ZDHHC7: variants seen among roughly 807,000 people sequenced by gnomAD.
The protein encoded by ZDHHC7 is palmitoyltransferase ZDHHC7.
Under a neutral mutation model 34.1 loss-of-function variants are expected in ZDHHC7, and 12 were observed. That is an observed-to-expected ratio of 0.35 (90% CI 0.23 to 0.57). The LOEUF is 0.57. Among genes scored for constraint, ZDHHC7 ranks in the 20% least tolerant of loss-of-function variants. The pLI, the probability that ZDHHC7 is intolerant of heterozygous loss-of-function variation, is 0.84. For missense variants in ZDHHC7, 388 were observed against 402.7 expected (o/e 0.96, Z 0.31); for synonymous variants, 185 against 155.4 (o/e 1.19, Z -1.42).
intron 1 of ZDHHC7, among the ~76,000 whole-genome samples, chr16:85,006,843 A>G (rs559084954): frequency 6.6e-6 from 1 of 150,970 alleles, no homozygotes; most frequent in South Asian, 2.1e-4. Flanking sequence ...CAGGCTCAAC[A>G]TTCCCCACTC....
intron 2 of ZDHHC7, among the ~76,000 whole-genome samples, chr16:84,995,617 C>T (rs2072566655): frequency 6.6e-6 from 1 of 151,704 alleles, no homozygotes; most frequent in African/African-American, 2.4e-5. Context: ...CAGACTGAGA[C>T]TCCATCTCAA....
At chr16:84,989,094 C>T (rs1481187561) in intron 3 of ZDHHC7, among the ~76,000 whole-genome samples, 1 of 152,214 alleles carries the variant, frequency 6.6e-6, no homozygotes, top group Non-Finnish European at 1.5e-5. Flanking sequence ...CTTTAATTCT[C>T]TGAAGGCACA....
upstream of ZDHHC7, among the ~76,000 whole-genome samples, chr16:85,012,266 C>G (rs1215790910): frequency 2.0e-5 from 3 of 151,478 alleles, no homozygotes; most frequent in Admixed American, 6.6e-5. Context: ...GCCTGTAATC[C>G]CAGCAGCTAC....
chr16:84,981,346 A>C (rs894826331), intron 4 of ZDHHC7, among the ~76,000 whole-genome samples: 1 of 152,234 alleles, frequency 6.6e-6, no homozygotes, highest in African/African-American at 2.4e-5. Context: ...ATACAAAAAA[A>C]CAAAACAACA....
At chr16:85,015,537 C>T (rs934062983), upstream of ZDHHC7, among the ~76,000 whole-genome samples, 2 of 152,168 alleles carry the variant, frequency 1.3e-5, no homozygotes, top group African/African-American at 4.8e-5. Context: ...TTTGCAGGGC[C>T]ATTTCCAAAT....
chr16:85,025,154 T>C, the ZDHHC7 span, among the ~76,000 whole-genome samples: 2 of 152,028 alleles, frequency 1.3e-5, no homozygotes, highest in Non-Finnish European at 2.9e-5. Context: ...GGTGCGCACC[T>C]GCATTCCCAG....
intron 1 of ZDHHC7, among the ~76,000 whole-genome samples, chr16:85,005,470 G>C (rs563030180): frequency 5.9e-5 from 9 of 152,156 alleles, no homozygotes; most frequent in Non-Finnish European, 1.2e-4. Flanking sequence ...GGCGTATCAC[G>C]AGCTCATTTT....
At chr16:84,998,344 G>A (rs1056993969) in intron 1 of ZDHHC7, among the ~76,000 whole-genome samples, 23 of 152,032 alleles carry the variant, frequency 1.5e-4, no homozygotes, top group Non-Finnish European at 3.1e-4. Flanking sequence ...GTCCCTGGGA[G>A]AAAAGGGCGC....
At chr16:85,005,372 C>T (rs186358687) in intron 1 of ZDHHC7, among the ~76,000 whole-genome samples, 86 of 152,284 alleles carry the variant, frequency 5.6e-4, no homozygotes, top group African/African-American at 1.8e-3. Context: ...CAACATAAAA[C>T]ATTTGAAGGT....
At chr16:84,981,765 TC>T in intron 4 of ZDHHC7, 104 bp downstream of exon 4, 1 of 1,586,760 alleles carries the variant, frequency 6.3e-7, no homozygotes, top group Non-Finnish European at 8.6e-7. Flanking sequence ...GCCCAGATGC[TC>T]GGGGGCCATG....
rs936736309 is a variant in ZDHHC7, at chr16:84,992,140, C to G, written c.-17-1505G>C. Among the ~76,000 whole-genome samples the G allele has an allele frequency of 7.3e-4, 109 of 148,884 alleles. 1 individual carries two copies. Among genetic ancestry groups the G allele is most frequent in the Non-Finnish European group, 3.4e-4 (23 of 67,548 alleles). On this transcript the variant is annotated intron_variant, in intron 2 of 7. Transcript: ENST00000313732. ...GCAGTGAGCTGAGATCACGCCACTG[C>G]ACTGGACTCAGTCTCAAAAAAAAAA...
chr16:84,989,862 A>C (rs1473219987), intron 3 of ZDHHC7, among the ~76,000 whole-genome samples: 1 of 152,116 alleles, frequency 6.6e-6, no homozygotes, highest in Non-Finnish European at 1.5e-5. Flanking sequence ...ACTTTTTTCA[A>C]ATGAAAATCT....
chr16:84,983,895 G>C (rs111525738), intron 3 of ZDHHC7, among the ~76,000 whole-genome samples: 1 of 150,990 alleles, frequency 6.6e-6, no homozygotes, highest in Admixed American at 6.6e-5. Flanking sequence ...CCAGCTACTC[G>C]GGAGGGTGAG....
At chr16:85,002,717 G>A (rs1321313871) in intron 1 of ZDHHC7, among the ~76,000 whole-genome samples, 2 of 152,128 alleles carry the variant, frequency 1.3e-5, no homozygotes, top group Admixed American at 6.6e-5. Context: ...AGGAGAAAGC[G>A]TGGGTGGAGT....
At chr16:84,988,662 C>T (rs1303296697) in intron 3 of ZDHHC7, 1 of 998,468 alleles carries the variant, frequency 1.0e-6, no homozygotes, top group East Asian at 2.6e-5. Context: ...AGTCTGAGCG[C>T]AGAGGAGGAA....
At chr16:85,004,422 G>C (rs184245641) in intron 1 of ZDHHC7, among the ~76,000 whole-genome samples, 64 of 152,164 alleles carry the variant, frequency 4.2e-4, no homozygotes, top group African/African-American at 1.5e-3. Context: ...CAACAGTCCA[G>C]TCCCCCATGC....
chr16:84,974,356 C>T lies in ZDHHC7; in HGVS notation c.*1987G>A, dbSNP rs559058622. 1 of 152,316 alleles carries T rather than the reference C, an allele frequency of 6.6e-6. No homozygotes were observed. The highest frequency in any genetic ancestry group is 2.4e-5 in the African/African-American group (1 of 41,564). The allele number at this position is 152,316 out of a possible 1,614,324, so 9.4% of individuals were successfully genotyped here. A position where few individuals can be genotyped will look rare whatever the true frequency, so the allele number is the denominator to read the frequency against. ...CAAAAGCATTTAGAGTTTCTGGAAACTGTTTGGGAGTGACCTTAACAGCCT... is the reference window on the plus strand; with the variant it reads ...CAAAAGCATTTAGAGTTTCTGGAAATTGTTTGGGAGTGACCTTAACAGCCT... On this transcript the variant is annotated 3_prime_UTR_variant, in exon 8 of 8. Coordinates refer to ENST00000313732, the MANE Select transcript of ZDHHC7 (RefSeq NM_017740.3).
intron 4 of ZDHHC7, among the ~76,000 whole-genome samples, chr16:84,980,611 A>T (rs1597532583): frequency 6.6e-6 from 1 of 152,118 alleles, no homozygotes; most frequent in African/African-American, 2.4e-5. Context: ...CAGAGGTTGC[A>T]GTGAGCCGAG....
intron 3 of ZDHHC7, among the ~76,000 whole-genome samples, chr16:84,985,952 CAAAAAAAA>C (rs58315276): frequency 5.0e-4 from 27 of 54,028 alleles, no homozygotes; most frequent in East Asian, 2.0e-3. Context: ...GAGACTGTCT[CAAAAAAAA>C]AAAAAAAAAA....
Sources: gnomAD v4.1 joint callset for allele counts (sites outside exome capture counted in the v4.1 genomes callset) on GRCh38, gnomAD v4.1.1 for gene constraint, MANE v1.5 for transcripts, NCBI Gene and HGNC (gene_info 2026-07-23, HGNC 2026-07-21) for gene names.